The following FAM107B variants were observed in gnomAD, a reference collection of about 807,000 sequenced individuals.
FAM107B encodes protein FAM107B.
Under a neutral mutation model 31.5 loss-of-function variants are expected in FAM107B, and 21 were observed. The observed-to-expected ratio is 0.67, with a 90% confidence interval of 0.47 to 0.96. The LOEUF (loss-of-function observed/expected upper bound fraction) is 0.96, where lower values mean the gene tolerates loss of function less well. Among genes scored for constraint, FAM107B ranks in the 40% least tolerant of loss-of-function variants. FAM107B has a pLI of 0.00. For missense variants in FAM107B, 452 were observed against 377.1 expected, an observed-to-expected ratio of 1.20 and a Z score of -1.64; for synonymous variants, 157 against 141.5, an observed-to-expected ratio of 1.11 and a Z score of -0.78.
At chr10:14,568,021 T>C (rs1427958933) in intron 2 of FAM107B, among the ~76,000 whole-genome samples, 2 of 152,126 alleles carry the variant, frequency 1.3e-5, no homozygotes. Flanking sequence ...CCGGTGAGCT[T>C]TGACAAATAC....
At chr10:14,623,565 C>A (rs1406372385) in intron 2 of FAM107B, among the ~76,000 whole-genome samples, 1 of 152,208 alleles carries the variant, frequency 6.6e-6, no homozygotes. Flanking sequence ...GTGGCTTACG[C>A]CCGTAATCCC....
chr10:14,556,272 A>C, intron 2 of FAM107B: 1 of 830,304 alleles, frequency 1.2e-6, no homozygotes, highest in Non-Finnish European at 1.5e-6. Flanking sequence ...ACTGACTGGA[A>C]GGCCAGTAAT....
chr10:14,683,598 G>C (rs540458902), intron 1 of FAM107B, among the ~76,000 whole-genome samples: 94 of 152,256 alleles, frequency 6.2e-4, no homozygotes, highest in African/African-American at 2.2e-3. Flanking sequence ...ACTACTGGAA[G>C]ATAGAGGGGT....
intron 2 of FAM107B, among the ~76,000 whole-genome samples, chr10:14,575,019 A>G (rs1162918066): frequency 6.6e-6 from 1 of 152,180 alleles, no homozygotes; most frequent in Admixed American, 6.5e-5. Context: ...TAATGAAAAC[A>G]CTGACTTTAC....
intron 1 of FAM107B, among the ~76,000 whole-genome samples, chr10:14,710,655 G>A (rs530765989): frequency 6.3e-4 from 96 of 152,226 alleles, no homozygotes; most frequent in African/African-American, 2.2e-3. Flanking sequence ...TCCTAACCCT[G>A]TGTTGGCCTG....
chr10:14,641,741 A>G (rs969990324), intron 2 of FAM107B, among the ~76,000 whole-genome samples: 4 of 152,172 alleles, frequency 2.6e-5, no homozygotes, highest in African/African-American at 9.7e-5. Flanking sequence ...TCCAAATACC[A>G]TCACATTGAG....
intron 1 of FAM107B, among the ~76,000 whole-genome samples, chr10:14,681,236 G>A (rs1854826724): frequency 6.6e-6 from 1 of 152,218 alleles, no homozygotes; most frequent in East Asian, 1.9e-4. Context: ...CAGCAGGCCT[G>A]GGCCTCTGGC....
intron 2 of FAM107B, among the ~76,000 whole-genome samples, chr10:14,568,594 C>A (rs1446529905): frequency 1.3e-5 from 2 of 150,336 alleles, no homozygotes; most frequent in Non-Finnish European, 1.5e-5. Flanking sequence ...CAGGGTTAGA[C>A]CAGGAGGTGA....
intron 2 of FAM107B, among the ~76,000 whole-genome samples, chr10:14,665,148 A>G (rs1337448827): frequency 1.3e-5 from 2 of 152,244 alleles, no homozygotes; most frequent in Non-Finnish European, 2.9e-5. Flanking sequence ...TCAATAATGT[A>G]AAACCATACC....
intron 1 of FAM107B, among the ~76,000 whole-genome samples, chr10:14,700,875 T>G (rs1165270261): frequency 7.3e-6 from 1 of 136,856 alleles, no homozygotes; most frequent in African/African-American, 2.8e-5. Context: ...AGTGCAAAAG[T>G]AGAGCTATGC....
At chr10:14,652,768 T>C (rs979321286) in intron 2 of FAM107B, 3 of 152,214 alleles carry the variant, frequency 2.0e-5, no homozygotes, top group Admixed American at 1.3e-4. Flanking sequence ...CGCTCCTGAA[T>C]GTGCTAAAAT....
chr10:14,561,077 G>A (rs988223476), intron 2 of FAM107B, among the ~76,000 whole-genome samples: 12 of 152,182 alleles, frequency 7.9e-5, no homozygotes, highest in Non-Finnish European at 1.5e-4. Context: ...GAAGGGAGCC[G>A]GACACCTGGC....
At chr10:14,655,250 A>T (rs1854016003) in intron 2 of FAM107B, among the ~76,000 whole-genome samples, 1 of 152,234 alleles carries the variant, frequency 6.6e-6, no homozygotes, top group African/African-American at 2.4e-5. Flanking sequence ...ACCTCCCTTT[A>T]GTCCCCACCT....
chr10:14,586,654 C>A (rs967806846), intron 2 of FAM107B, among the ~76,000 whole-genome samples: 1 of 152,292 alleles, frequency 6.6e-6, no homozygotes, highest in South Asian at 2.1e-4. Context: ...CCAAATCTGC[C>A]AGCATCTTTG....
chr10:14,625,215 G>C (rs1196122183), intron 2 of FAM107B, among the ~76,000 whole-genome samples: 2 of 143,754 alleles, frequency 1.4e-5, no homozygotes, highest in Non-Finnish European at 1.5e-5. Context: ...GACAGAGTAA[G>C]ACTGTCTCAG....
At chr10:14,717,101 A>AAAAATTT (rs1855797575) in intron 1 of FAM107B, among the ~76,000 whole-genome samples, 1 of 152,146 alleles carries the variant, frequency 6.6e-6, no homozygotes. Flanking sequence ...AATAAAAATT[A>AAAAATTT]AAAATTAAAA....
rs549157719 is a variant in FAM107B, at chr10:14,673,313, G to C, written c.412-5622C>G. 2.0e-5 allele frequency among the ~76,000 whole-genome samples: 3 copies of C among 152,096 alleles called. No individual in the cohort carries two copies. In the East Asian group the frequency reaches 5.8e-4, roughly 29 times the overall value. The stretch of plus-strand genomic sequence containing the variant: ...TTCCCCCTAACCTTCCCAGCCTCTG[G>C]TAACCACTGTTCTCCTCTCCACTTC... On this transcript the variant is annotated intron_variant, in intron 1 of 4. Coordinates refer to ENST00000181796, the MANE Select transcript of FAM107B (RefSeq NM_031453.4).
intron 1 of FAM107B, among the ~76,000 whole-genome samples, chr10:14,735,938 G>A (rs1588742440): frequency 6.6e-6 from 1 of 152,128 alleles, no homozygotes; most frequent in African/African-American, 2.4e-5. Flanking sequence ...TATCTATTAT[G>A]TTTTATTATT....
chr10:14,690,026 G>GAAGGGAGA, intron 1 of FAM107B, among the ~76,000 whole-genome samples: 2 of 146,960 alleles, frequency 1.4e-5, no homozygotes, highest in African/African-American at 2.5e-5. Flanking sequence ...AGGAAGGAAG[G>GAAGGGAGA]GAGGGAGGGA....
Sources: gnomAD v4.1 joint callset for allele counts (sites outside exome capture counted in the v4.1 genomes callset) on GRCh38, gnomAD v4.1.1 for gene constraint, MANE v1.5 for transcripts, NCBI Gene and HGNC (gene_info 2026-07-23, HGNC 2026-07-21) for gene names.